Variants in TTLL9 observed in about 807,000 individuals in gnomAD.
TTLL9 encodes the protein tubulin tyrosine ligase like 9.
A neutral mutation model predicts 65.6 loss-of-function variants in TTLL9; 47 were observed. The ratio of observed to expected loss-of-function variants is 0.72; its 90% CI spans 0.57 to 0.91. The LOEUF (loss-of-function observed/expected upper bound fraction) is 0.91. TTLL9 is among the 40% of genes least tolerant of loss of function. TTLL9 has a pLI of 0.00. For missense variants in TTLL9, 537 were observed against 568.8 expected (o/e 0.94, Z 0.57); for synonymous variants, 179 against 204.8 (o/e 0.87, Z 1.07).
intron 3 of TTLL9, among the ~76,000 whole-genome samples, chr20:31,889,480 T>C (rs1219480671): frequency 6.6e-6 from 1 of 150,792 alleles, no homozygotes; most frequent in African/African-American, 2.4e-5. Flanking sequence ...TGGAGTGCAG[T>C]GGCGTGATCT....
chr20:31,939,308 C>T (rs1385331572), intron 14 of TTLL9, 42 bp downstream of exon 14: 2 of 1,607,812 alleles, frequency 1.2e-6, no homozygotes, highest in Non-Finnish European at 1.7e-6. Flanking sequence ...GGGATGGGGT[C>T]ATGGGAGGTA....
chr20:31,882,079 T>C (rs528026823), intron 2 of TTLL9, among the ~76,000 whole-genome samples: 1 of 152,318 alleles, frequency 6.6e-6, no homozygotes, highest in Admixed American at 6.5e-5. Context: ...GCAGGAACGT[T>C]CATGTCAGCC....
At chr20:31,906,770 T>G (rs958203591) in intron 4 of TTLL9, among the ~76,000 whole-genome samples, 1 of 152,106 alleles carries the variant, frequency 6.6e-6, no homozygotes, top group Non-Finnish European at 1.5e-5. Context: ...CACCTCAGCC[T>G]CCTGAGTAGC....
chr20:31,935,306 G>A (rs184026667), intron 12 of TTLL9, among the ~76,000 whole-genome samples: 117 of 152,310 alleles, frequency 7.7e-4, no homozygotes, highest in African/African-American at 2.0e-3. Context: ...CAAGATGCCC[G>A]TGGAGGAGGT....
chr20:31,871,094 C>G, intron 1 of TTLL9, 28 bp from the exon 2 acceptor site: 1 of 1,607,358 alleles, frequency 6.2e-7, no homozygotes, highest in Non-Finnish European at 8.5e-7. Flanking sequence ...TCCTCTCACT[C>G]CTTCCTTCCA....
chr20:31,942,486 C>T (rs1213968824), intron 14 of TTLL9, among the ~76,000 whole-genome samples: 2 of 152,202 alleles, frequency 1.3e-5, no homozygotes, highest in African/African-American at 4.8e-5. Context: ...ACTGTGCTAG[C>T]TTTAAATGCA....
chr20:31,943,304 C>T lies in TTLL9; in HGVS notation c.*283C>T. On this transcript the variant is annotated 3_prime_UTR_variant, in exon 15 of 15. Coordinates refer to ENST00000535842, the MANE Select transcript of TTLL9 (RefSeq NM_001008409.5). ...CAGTTAGGCCCAAAGAGAACAAATACAGCAAGTTCTGCTACCCCCAGGAGA... is the reference window on the plus strand; with the variant it reads ...CAGTTAGGCCCAAAGAGAACAAATATAGCAAGTTCTGCTACCCCCAGGAGA... The T allele has an allele frequency of 2.0e-6, 1 of 500,366 alleles. No homozygotes were observed. The highest frequency in any genetic ancestry group is 2.1e-5 in the South Asian group (1 of 46,720). 31.0% of individuals were successfully genotyped at this position (500,366 alleles called of 1,614,324 possible). A position where few individuals can be genotyped will look rare whatever the true frequency, so the allele number is the denominator to read the frequency against.
At chr20:31,937,072 T>C (rs143545494) in intron 12 of TTLL9, among the ~76,000 whole-genome samples, 1,914 of 124,014 alleles carry the variant, frequency 0.015, 44 homozygotes, top group African/African-American at 0.059. Flanking sequence ...CACTCCAGCC[T>C]GGGCGACAAG....
At chr20:31,920,229 G>GCGCA (rs113675372) in intron 7 of TTLL9, among the ~76,000 whole-genome samples, 76 of 150,530 alleles carry the variant, frequency 5.0e-4, no homozygotes, top group Non-Finnish European at 7.7e-4. Context: ...GCAAACACGC[G>GCGCA]CACACACACA....
chr20:31,900,311 CT>C (rs1370719442), intron 4 of TTLL9, among the ~76,000 whole-genome samples: 3 of 152,170 alleles, frequency 2.0e-5, no homozygotes, highest in Non-Finnish European at 4.4e-5. Context: ...CCCCATTTTA[CT>C]AATGAGAAAA....
intron 8 of TTLL9, 33 bp downstream of exon 8, chr20:31,923,086 T>C (rs1257916209): frequency 2.6e-6 from 4 of 1,517,340 alleles, no homozygotes; most frequent in Middle Eastern, 1.7e-4. Flanking sequence ...TGCTCTTCCA[T>C]TGCATGGTCA....
At chr20:31,921,417 A>G (rs576601040) in intron 7 of TTLL9, among the ~76,000 whole-genome samples, 1 of 152,338 alleles carries the variant, frequency 6.6e-6, no homozygotes, top group African/African-American at 2.4e-5. Context: ...CAGTGTGGTG[A>G]TTCCTCAGGG....
chr20:31,904,894 G>A (rs2063529259), intron 4 of TTLL9, among the ~76,000 whole-genome samples: 1 of 152,106 alleles, frequency 6.6e-6, no homozygotes, highest in South Asian at 2.1e-4. Flanking sequence ...AAGAGGGCAA[G>A]GTCACGTAGT....
intron 14 of TTLL9, chr20:31,940,824 C>T (rs1449983731): frequency 2.0e-5 from 3 of 152,316 alleles, no homozygotes; most frequent in Admixed American, 1.3e-4. Context: ...TGAGAAAACA[C>T]ACTGCAAAGC....
At chr20:31,882,964 T>G (rs2063139570) in intron 2 of TTLL9, among the ~76,000 whole-genome samples, 1 of 152,198 alleles carries the variant, frequency 6.6e-6, no homozygotes, top group Non-Finnish European at 1.5e-5. Context: ...GATTCTTCAT[T>G]CGTCATTTCC....
chr20:31,877,792 C>A (rs1362209260), intron 2 of TTLL9, among the ~76,000 whole-genome samples: 2 of 152,202 alleles, frequency 1.3e-5, no homozygotes, highest in African/African-American at 4.8e-5. Context: ...CTTGCCCCAA[C>A]ATATACACAT....
chr20:31,911,297 C>G (rs921261099), intron 6 of TTLL9, among the ~76,000 whole-genome samples: 4 of 152,222 alleles, frequency 2.6e-5, no homozygotes, highest in Non-Finnish European at 4.4e-5. Flanking sequence ...GCCACCGTAG[C>G]CTTGAATGGC....
chr20:31,923,094 T>A, intron 8 of TTLL9, 41 bp downstream of exon 8: 1 of 1,481,338 alleles, frequency 6.8e-7, no homozygotes, highest in Non-Finnish European at 9.4e-7. Flanking sequence ...CATTGCATGG[T>A]CATCAAACAG....
intron 10 of TTLL9, among the ~76,000 whole-genome samples, chr20:31,931,331 G>A (rs1347229609): frequency 1.3e-5 from 2 of 152,006 alleles, no homozygotes; most frequent in Non-Finnish European, 2.9e-5. Flanking sequence ...CTCCTGCCTT[G>A]CCCTTCCAAA....
Sources: allele counts gnomAD v4.1 joint callset (sites outside exome capture counted in the v4.1 genomes callset), GRCh38; gene constraint gnomAD v4.1.1; transcripts MANE v1.5; gene names NCBI Gene and HGNC (gene_info 2026-07-23, HGNC 2026-07-21).